GATAD2A: variants seen among roughly 807,000 people sequenced by gnomAD.
GATAD2A encodes the protein GATA zinc finger domain containing 2A.
Under a neutral mutation model 68.5 loss-of-function variants are expected in GATAD2A, and 12 were observed. That is an observed-to-expected ratio of 0.18 (90% CI 0.11 to 0.28). The LOEUF (loss-of-function observed/expected upper bound fraction) is 0.28, where lower values mean the gene tolerates loss of function less well. GATAD2A is among the 10% of genes least tolerant of loss of function. The pLI is 1.00. For missense variants in GATAD2A, 755 were observed against 868.5 expected, an observed-to-expected ratio of 0.87 and a Z score of 1.64; for synonymous variants, 410 against 375.3, an observed-to-expected ratio of 1.09 and a Z score of -1.07.
chr19:19,441,339 T>C (rs886092081), intron 1 of GATAD2A, among the ~76,000 whole-genome samples: 7 of 152,130 alleles, frequency 4.6e-5, no homozygotes, highest in African/African-American at 1.7e-4. Flanking sequence ...AGAACCAAAA[T>C]TTTCCACACA....
rs192142001 is a variant in GATAD2A at position 19,392,280 on chromosome 19, C to T, written c.-7+6142C>T. The stretch of plus-strand genomic sequence containing the variant: ...TTGTATTTTTGTAGAGACAGGGTCT[C>T]GCTATGTTTCCCAGGCTGGTCTTGA... On this transcript the variant is annotated intron_variant, in intron 1 of 11. Coordinates refer to the GATAD2A transcript ENST00000360315. Among the ~76,000 whole-genome samples, 8 of 151,166 alleles carry T rather than the reference C, an allele frequency of 5.3e-5. No individual in the cohort carries two copies. The East Asian group carries it at 5.8e-4, about 11-fold the overall frequency.
intron 1 of GATAD2A, among the ~76,000 whole-genome samples, chr19:19,450,784 G>C (rs1360521066): frequency 1.6e-5 from 2 of 125,380 alleles, no homozygotes; most frequent in African/African-American, 5.9e-5. Flanking sequence ...TGTTTGTTTT[G>C]TTTGAGACGG....
In GATAD2A at chr19:19,501,503, A is replaced by G; in HGVS notation, c.1503+87A>G. The G allele has an allele frequency of 1.9e-6, 2 of 1,027,794 alleles. 1 individual carries two copies. The highest frequency in any genetic ancestry group is 3.3e-5 in the South Asian group (2 of 60,870). The allele number at this position is 1,027,794 out of a possible 1,614,324, so 63.7% of individuals were successfully genotyped here. A position where few individuals can be genotyped will look rare whatever the true frequency, so the allele number is the denominator to read the frequency against. ...CCCCACGCCTGCGCTGCACCGCCTGATTGTTAACTGCACGTCTAAATTGCA... is the reference window on the plus strand; with the variant it reads ...CCCCACGCCTGCGCTGCACCGCCTGGTTGTTAACTGCACGTCTAAATTGCA... On this transcript the variant is annotated intron_variant, in intron 9 of 11. Transcript: ENST00000683918.
At chr19:19,426,517 T>C (rs1051077063) in intron 1 of GATAD2A, among the ~76,000 whole-genome samples, 2 of 152,094 alleles carry the variant, frequency 1.3e-5, no homozygotes, top group Admixed American at 6.6e-5. Context: ...TTAATTTAAT[T>C]TTTATTTTTT....
chr19:19,478,697 C>T (rs1352489077), intron 2 of GATAD2A, among the ~76,000 whole-genome samples: 6 of 151,718 alleles, frequency 4.0e-5, no homozygotes, highest in Admixed American at 3.9e-4. Flanking sequence ...GTAGTCCCAG[C>T]TATTCGGGAA....
chr19:19,419,498 T>C (rs374011499), intron 1 of GATAD2A, among the ~76,000 whole-genome samples: 3 of 149,924 alleles, frequency 2.0e-5, no homozygotes, highest in East Asian at 3.9e-4. Flanking sequence ...GGGTCTGTAA[T>C]GATCTCTACA....
chr19:19,448,259 A>G (rs1454781208), intron 1 of GATAD2A, among the ~76,000 whole-genome samples: 1 of 152,060 alleles, frequency 6.6e-6, no homozygotes, highest in Non-Finnish European at 1.5e-5. Context: ...CACAGGCGGC[A>G]CCTTTGTTTC....
intron 1 of GATAD2A, among the ~76,000 whole-genome samples, chr19:19,441,390 A>AT (rs1483470398): frequency 6.6e-6 from 1 of 151,130 alleles, no homozygotes; most frequent in East Asian, 2.0e-4. Context: ...TAGCTTTTTT[A>AT]TTTTTATTTT....
intron 1 of GATAD2A, chr19:19,464,593 G>GA (rs2057724495): frequency 6.6e-6 from 1 of 152,332 alleles, no homozygotes; most frequent in Non-Finnish European, 1.5e-5. Context: ...TGAATCCTGG[G>GA]AAGGGTCATG....
chr19:19,437,406 A>G (rs1262125057), intron 1 of GATAD2A, among the ~76,000 whole-genome samples: 1 of 152,260 alleles, frequency 6.6e-6, no homozygotes, highest in African/African-American at 2.4e-5. Flanking sequence ...TTGGGCATAC[A>G]GGCAAATTAC....
At chr19:19,423,446 T>G (rs2052678478) in intron 1 of GATAD2A, among the ~76,000 whole-genome samples, 1 of 152,264 alleles carries the variant, frequency 6.6e-6, no homozygotes, top group African/African-American at 2.4e-5. Flanking sequence ...GTCATCAGTT[T>G]GCCGCAGTGA....
intron 1 of GATAD2A, among the ~76,000 whole-genome samples, chr19:19,396,508 T>G (rs765059934): frequency 1.3e-5 from 2 of 152,134 alleles, no homozygotes; most frequent in African/African-American, 2.4e-5. Flanking sequence ...CCTTAGTTCA[T>G]TGTAGCTTTA....
chr19:19,430,718 C>T (rs1003031874), intron 1 of GATAD2A, among the ~76,000 whole-genome samples: 7 of 152,186 alleles, frequency 4.6e-5, no homozygotes, highest in Non-Finnish European at 1.0e-4. Context: ...ACTGTACCAG[C>T]CATGGGTGCC....
chr19:19,392,954 CAA>C (rs892612500), intron 1 of GATAD2A, among the ~76,000 whole-genome samples: 1 of 152,132 alleles, frequency 6.6e-6, no homozygotes, highest in African/African-American at 2.4e-5. Flanking sequence ...CTCGGACTGC[CAA>C]AGTGTTGGGA....
chr19:19,457,107 C>T, intron 1 of GATAD2A: 1 of 985,428 alleles, frequency 1.0e-6, no homozygotes, highest in Non-Finnish European at 1.2e-6. Context: ...ATCTGTGACA[C>T]CTCTGCCCAC....
At chr19:19,486,311 A>G (rs757372405) in intron 2 of GATAD2A, among the ~76,000 whole-genome samples, 24 of 152,210 alleles carry the variant, frequency 1.6e-4, no homozygotes, top group Non-Finnish European at 3.1e-4. Context: ...TGCTGCCCTT[A>G]TCTTCCCAGT....
At chr19:19,447,110 G>A (rs1253006001) in intron 1 of GATAD2A, among the ~76,000 whole-genome samples, 1 of 152,196 alleles carries the variant, frequency 6.6e-6, no homozygotes, top group Non-Finnish European at 1.5e-5. Context: ...CAAACAGAGA[G>A]GTGAATAAAT....
intron 1 of GATAD2A, among the ~76,000 whole-genome samples, chr19:19,462,196 G>A (rs115428080): frequency 2.0e-5 from 3 of 152,330 alleles, no homozygotes; most frequent in Admixed American, 6.5e-5. Flanking sequence ...CTTGCTGTGC[G>A]GTGGCCGCCA....
chr19:19,473,915 C>T (rs1568318132), intron 2 of GATAD2A: 1 of 367,120 alleles, frequency 2.7e-6, no homozygotes, highest in Non-Finnish European at 3.8e-6. Flanking sequence ...CACTGCACTC[C>T]AGCCTGGGCG....
Sources: allele counts gnomAD v4.1 joint callset (sites outside exome capture counted in the v4.1 genomes callset), GRCh38; gene constraint gnomAD v4.1.1; transcripts MANE v1.5; gene names NCBI Gene and HGNC (gene_info 2026-07-23, HGNC 2026-07-21).